Variants in BCKDHB observed in about 807,000 individuals in gnomAD.
BCKDHB encodes 2-oxoisovalerate dehydrogenase subunit beta, mitochondrial.
Under a neutral mutation model 48.5 loss-of-function variants are expected in BCKDHB, and 41 were observed. The ratio of observed to expected loss-of-function variants is 0.85; its 90% CI spans 0.66 to 1.10. The LOEUF (loss-of-function observed/expected upper bound fraction) is 1.10, where lower values mean the gene tolerates loss of function less well. BCKDHB is among the 50% of genes least tolerant of loss of function. The probability of loss-of-function intolerance (pLI) is 0.00; values close to 1 mark genes in which losing one functional copy is unlikely to be tolerated. For missense variants in BCKDHB, 496 were observed against 494.2 expected, an observed-to-expected ratio of 1.00 and a Z score of -0.03; for synonymous variants, 201 against 174.8, an observed-to-expected ratio of 1.15 and a Z score of -1.18.
At chr6:80,240,181 A>C (rs1425883436) in intron 8 of BCKDHB, among the ~76,000 whole-genome samples, 1 of 152,198 alleles carries the variant, frequency 6.6e-6, no homozygotes, top group Non-Finnish European at 1.5e-5. Flanking sequence ...TTGAATCATG[A>C]AGAAAGTCAT....
At chr6:80,134,619 T>C (rs906328111) in intron 3 of BCKDHB, among the ~76,000 whole-genome samples, 1 of 152,182 alleles carries the variant, frequency 6.6e-6, no homozygotes, top group Non-Finnish European at 1.5e-5. Context: ...TTTCATGCTT[T>C]GATTCCCTTT....
At chr6:80,112,906 G>C (rs1028455913) in intron 1 of BCKDHB, among the ~76,000 whole-genome samples, 4 of 152,202 alleles carry the variant, frequency 2.6e-5, no homozygotes, top group African/African-American at 9.6e-5. Context: ...TCAACTTCTA[G>C]CATACTTATG....
At chr6:80,459,218 T>A in the BCKDHB span, among the ~76,000 whole-genome samples, 1 of 152,168 alleles carries the variant, frequency 6.6e-6, no homozygotes, top group East Asian at 1.9e-4. Context: ...AGCCAAGATG[T>A]GGAAACTATC....
At chr6:80,366,671 A>G in the BCKDHB span, among the ~76,000 whole-genome samples, 1,214 of 152,322 alleles carry the variant, frequency 8.0e-3, 12 homozygotes, top group African/African-American at 0.028. Flanking sequence ...AAGGTACACA[A>G]GCCAGTTCCT....
intron 8 of BCKDHB, among the ~76,000 whole-genome samples, chr6:80,228,186 A>G (rs1775761257): frequency 6.6e-6 from 1 of 152,206 alleles, no homozygotes. Context: ...GAAATAAGCA[A>G]ACTCCTTTCC....
chr6:80,368,995 A>G, the BCKDHB span, among the ~76,000 whole-genome samples: 1 of 145,582 alleles, frequency 6.9e-6, no homozygotes, highest in Non-Finnish European at 1.5e-5. Flanking sequence ...CTTGGGTGAC[A>G]GAGTGAGACT....
chr6:80,442,033 G>A, the BCKDHB span, among the ~76,000 whole-genome samples: 3,360 of 152,190 alleles, frequency 0.022, 134 homozygotes, highest in African/African-American at 0.075. Context: ...ATGTCCCTGA[G>A]AAAAAGACAG....
chr6:80,448,794 A>G, the BCKDHB span, among the ~76,000 whole-genome samples: 753 of 152,246 alleles, frequency 4.9e-3, 3 homozygotes, highest in Non-Finnish European at 5.6e-3. Context: ...ATGAAATTTC[A>G]CACCAAAATA....
At chr6:80,430,291 G>C in the BCKDHB span, among the ~76,000 whole-genome samples, 87 of 152,218 alleles carry the variant, frequency 5.7e-4, no homozygotes, top group African/African-American at 2.1e-3. Context: ...GGATTTCTGC[G>C]TTGATGTTCA....
chr6:80,108,535 A>T (rs553094342), intron 1 of BCKDHB, among the ~76,000 whole-genome samples: 2 of 147,032 alleles, frequency 1.4e-5, no homozygotes, highest in East Asian at 4.0e-4. Context: ...ATATTAACAG[A>T]TAATTTGGAT....
the BCKDHB span, among the ~76,000 whole-genome samples, chr6:80,430,244 A>G: frequency 1.3e-5 from 2 of 152,152 alleles, no homozygotes; most frequent in East Asian, 3.9e-4. Context: ...AAGCTTTTTG[A>G]TCTGCTGCAG....
At chr6:80,256,616 A>G (rs953433704) in intron 8 of BCKDHB, among the ~76,000 whole-genome samples, 5 of 152,214 alleles carry the variant, frequency 3.3e-5, no homozygotes, top group African/African-American at 1.2e-4. Flanking sequence ...ATCCATTTTT[A>G]TAAAGCTTTT....
At chr6:80,280,270 G>A (rs991195031) in intron 9 of BCKDHB, among the ~76,000 whole-genome samples, 7 of 152,172 alleles carry the variant, frequency 4.6e-5, no homozygotes, top group African/African-American at 1.7e-4. Context: ...CAAATAGAAA[G>A]TAGTAGGAGC....
At chr6:80,334,118 G>A (rs977833065) in intron 9 of BCKDHB, among the ~76,000 whole-genome samples, 2 of 152,094 alleles carry the variant, frequency 1.3e-5, no homozygotes, top group African/African-American at 4.8e-5. Context: ...TGCAAATTAA[G>A]ACATTCAATC....
intron 6 of BCKDHB, among the ~76,000 whole-genome samples, chr6:80,189,258 A>G (rs1773787110): frequency 6.6e-6 from 1 of 152,090 alleles, no homozygotes; most frequent in African/African-American, 2.4e-5. Flanking sequence ...TTCTTTTTGA[A>G]TTGATCAGTT....
At chr6:80,139,911 C>T (rs1229474498) in intron 3 of BCKDHB, among the ~76,000 whole-genome samples, 37 of 152,236 alleles carry the variant, frequency 2.4e-4, no homozygotes, top group Admixed American at 5.9e-4. Flanking sequence ...GCCATTTTCA[C>T]GATATTGATT....
At chr6:80,374,631 T>C in the BCKDHB span, 1 of 517,490 alleles carries the variant, frequency 1.9e-6, no homozygotes, top group African/African-American at 1.9e-5. Flanking sequence ...AAGTGGAGCA[T>C]TTAGGCCATT....
intron 6 of BCKDHB, among the ~76,000 whole-genome samples, chr6:80,177,234 A>C (rs1773205026): frequency 4.4e-5 from 2 of 45,110 alleles, no homozygotes; most frequent in African/African-American, 7.2e-5. Context: ...TCAAAAAAAA[A>C]AAAAAAAAAA....
At chr6:80,306,295 G>A (rs1247921380) in intron 9 of BCKDHB, among the ~76,000 whole-genome samples, 2 of 152,142 alleles carry the variant, frequency 1.3e-5, no homozygotes, top group African/African-American at 4.8e-5. Context: ...CATGTGAATA[G>A]TGAACACCTG....
Sources: allele counts gnomAD v4.1 joint callset (sites outside exome capture counted in the v4.1 genomes callset), GRCh38; gene constraint gnomAD v4.1.1; transcripts MANE v1.5; gene names NCBI Gene and HGNC (gene_info 2026-07-23, HGNC 2026-07-21).